The following QTGAL variants were observed in gnomAD, a reference collection of about 807,000 sequenced individuals.
QTGAL encodes the protein BGnT-like protein 1.
chr17:82,961,787 C>G, the QTGAL span, among the ~76,000 whole-genome samples: 32 of 152,232 alleles, frequency 2.1e-4, no homozygotes, highest in Non-Finnish European at 4.3e-4. Flanking sequence ...GGACTCTGCT[C>G]CAGAACATTC....
the QTGAL span, chr17:82,943,212 C>T: frequency 3.4e-4 from 52 of 152,394 alleles, 1 homozygote; most frequent in East Asian, 8.9e-3. Context: ...AGAGCCTGGG[C>T]AGAGTCCACA....
chr17:83,018,662 G>C, the QTGAL span, among the ~76,000 whole-genome samples: 49 of 152,322 alleles, frequency 3.2e-4, no homozygotes, highest in African/African-American at 1.1e-3. Flanking sequence ...CATTGCTTCT[G>C]ACCAAGGAAC....
At chr17:82,987,920 ATTTG>A in the QTGAL span, among the ~76,000 whole-genome samples, 1 of 152,146 alleles carries the variant, frequency 6.6e-6, no homozygotes, top group Non-Finnish European at 1.5e-5. Flanking sequence ...ATATTTTTCC[ATTTG>A]TTTGTGTCCT....
At chr17:83,018,784 G>A in the QTGAL span, among the ~76,000 whole-genome samples, 1 of 152,228 alleles carries the variant, frequency 6.6e-6, no homozygotes, top group Non-Finnish European at 1.5e-5. Context: ...GATGGCCTTT[G>A]GAGGTCCAGT....
chr17:83,019,376 G>T, the QTGAL span, among the ~76,000 whole-genome samples: 1 of 152,142 alleles, frequency 6.6e-6, no homozygotes, highest in African/African-American at 2.4e-5. Context: ...AAATTATCAC[G>T]CACAAAATAT....
At chr17:83,037,563 C>T in the QTGAL span, among the ~76,000 whole-genome samples, 1 of 152,350 alleles carries the variant, frequency 6.6e-6, no homozygotes, top group South Asian at 2.1e-4. This position sits in a 1 kb window ranked among gnomAD's most constrained non-coding sequence, Gnocchi z 5.2. Flanking sequence ...TGGGCCGTGT[C>T]TCCAGGGCCG....
the QTGAL span, among the ~76,000 whole-genome samples, chr17:83,036,111 T>C: frequency 1.3e-5 from 2 of 152,184 alleles, no homozygotes; most frequent in Non-Finnish European, 2.9e-5. Flanking sequence ...GAACTTAATC[T>C]GCATGGCCAC....
chr17:82,956,718 G>A, the QTGAL span: 1 of 1,588,552 alleles, frequency 6.3e-7, no homozygotes, highest in Admixed American at 1.8e-5. This position sits in a 1 kb window ranked among gnomAD's most constrained non-coding sequence, Gnocchi z 5.7. Flanking sequence ...ATGACGAAGG[G>A]TGGCCGGGCG....
At chr17:83,027,311 CT>C in the QTGAL span, among the ~76,000 whole-genome samples, 1 of 152,228 alleles carries the variant, frequency 6.6e-6, no homozygotes, top group Non-Finnish European at 1.5e-5. Context: ...GGTGCTGGGA[CT>C]GAATATTCAC....
At chr17:82,944,214 A>G in the QTGAL span, 1 of 152,158 alleles carries the variant, frequency 6.6e-6, no homozygotes, top group Non-Finnish European at 1.5e-5. Context: ...TCTTCTTTTA[A>G]TGTCGGTCTA....
chr17:82,959,294 A>G, the QTGAL span, among the ~76,000 whole-genome samples: 24 of 152,012 alleles, frequency 1.6e-4, 1 homozygote, highest in African/African-American at 5.8e-4. Flanking sequence ...CAGTATGAGT[A>G]CATGTATGCA....
At chr17:82,960,930 C>T in the QTGAL span, 1 of 1,365,402 alleles carries the variant, frequency 7.3e-7, no homozygotes, top group Non-Finnish European at 9.7e-7. Flanking sequence ...CCCACCAGAC[C>T]CTGGGTCTCA....
At chr17:83,035,165 G>A in the QTGAL span, 1 of 1,349,250 alleles carries the variant, frequency 7.4e-7, no homozygotes, top group South Asian at 1.2e-5. Flanking sequence ...CTTTCATAGA[G>A]CTTAGTATAT....
the QTGAL span, among the ~76,000 whole-genome samples, chr17:83,047,278 T>C: frequency 1.3e-5 from 2 of 152,184 alleles, no homozygotes; most frequent in East Asian, 3.8e-4. Flanking sequence ...ACTAATCTCA[T>C]TGGTGAGGCC....
chr17:82,970,582 CGCG>C, the QTGAL span, among the ~76,000 whole-genome samples: 2 of 131,736 alleles, frequency 1.5e-5, no homozygotes, highest in African/African-American at 3.6e-5. Flanking sequence ...CCGGCGTGGC[CGCG>C]ACCTCCGCAC....
chr17:82,942,658 CT>C, the QTGAL span: 1 of 653,276 alleles, frequency 1.5e-6, no homozygotes, highest in Non-Finnish European at 2.7e-6. Context: ...ACGCCTCTGC[CT>C]TCACTTGAAC....
chr17:83,005,239 A>C, the QTGAL span: 13 of 1,574,424 alleles, frequency 8.3e-6, no homozygotes, highest in African/African-American at 1.4e-5. This position sits in a 1 kb window ranked among gnomAD's most constrained non-coding sequence, Gnocchi z 5.6. Flanking sequence ...GACAGAGCTC[A>C]AAACAAAGTC....
At chr17:83,050,351 C>T in the QTGAL span, among the ~76,000 whole-genome samples, 2 of 151,056 alleles carry the variant, frequency 1.3e-5, no homozygotes, top group Non-Finnish European at 2.9e-5. Context: ...GCCTGGGCAA[C>T]GAGTGTGAAA....
the QTGAL span, chr17:82,978,639 T>C: frequency 6.6e-6 from 1 of 152,218 alleles, no homozygotes; most frequent in East Asian, 1.9e-4. The surrounding 1 kb of genome is among the most constrained non-coding windows in gnomAD (Gnocchi z 4.8). Context: ...GTTTTGGTTC[T>C]AGGAAATTTT....
Sources: gnomAD v4.1 joint callset for allele counts (sites outside exome capture counted in the v4.1 genomes callset) on GRCh38, gnomAD v4.1.1 for gene constraint, Gnocchi (gnomAD v3.1) non-coding constraint, MANE v1.5 for transcripts, NCBI Gene and HGNC (gene_info 2026-07-23, HGNC 2026-07-21) for gene names.